Variants in MAGI2 observed in about 807,000 individuals in gnomAD.
MAGI2 encodes the protein membrane associated guanylate kinase, WW and PDZ domain containing 2.
MAGI2 carries 35 observed loss-of-function variants against 133.3 expected under a neutral mutation model. The ratio of observed to expected loss-of-function variants is 0.26; its 90% confidence interval spans 0.20 to 0.35. The LOEUF (loss-of-function observed/expected upper bound fraction) is 0.35, where lower values mean the gene tolerates loss of function less well. Among genes scored for constraint, MAGI2 ranks in the 10% least tolerant of loss-of-function variants. MAGI2 has a pLI of 1.00. For missense variants in MAGI2, 1,636 were observed against 1,863.4 expected, an observed-to-expected ratio of 0.88 and a Z score of 2.25; for synonymous variants, 729 against 710.6, an observed-to-expected ratio of 1.03 and a Z score of -0.41.
chr7:79,258,696 C>T (rs945699503), intron 1 of MAGI2, among the ~76,000 whole-genome samples: 2 of 152,156 alleles, frequency 1.3e-5, no homozygotes, highest in African/African-American at 2.4e-5. Context: ...ACAGTACTAT[C>T]GTGGCATACT....
chr7:78,246,332 C>G (rs191354788), intron 10 of MAGI2, among the ~76,000 whole-genome samples: 26 of 152,212 alleles, frequency 1.7e-4, no homozygotes, highest in Admixed American at 7.2e-4. Flanking sequence ...CCACTGAGAG[C>G]AGTCACACCT....
chr7:79,429,731 A>G (rs913011393), intron 1 of MAGI2, among the ~76,000 whole-genome samples: 7 of 152,152 alleles, frequency 4.6e-5, no homozygotes, highest in African/African-American at 7.2e-5. Context: ...TAATTGGAAA[A>G]AGTCTTTTGC....
chr7:78,186,587 C>T (rs1049016493), intron 12 of MAGI2, among the ~76,000 whole-genome samples: 3 of 152,266 alleles, frequency 2.0e-5, no homozygotes, highest in African/African-American at 2.4e-5. Context: ...AATCCCTGGT[C>T]TTACTATCAT....
chr7:79,183,117 A>C (rs1444327152), intron 1 of MAGI2, among the ~76,000 whole-genome samples: 1 of 151,888 alleles, frequency 6.6e-6, no homozygotes, highest in Non-Finnish European at 1.5e-5. Flanking sequence ...AGAAGAAATA[A>C]GTTCTAATGT....
intron 1 of MAGI2, among the ~76,000 whole-genome samples, chr7:79,259,710 T>G (rs751290312): frequency 3.3e-5 from 5 of 152,224 alleles, no homozygotes; most frequent in Non-Finnish European, 5.9e-5. Context: ...ATTACCAAAT[T>G]GTTACTTGAT....
At chr7:78,329,917 GA>G (rs1788994972) in intron 9 of MAGI2, among the ~76,000 whole-genome samples, 1 of 152,150 alleles carries the variant, frequency 6.6e-6, no homozygotes, top group Non-Finnish European at 1.5e-5. Flanking sequence ...CCACAATTCT[GA>G]AAATTTCCTG....
intron 6 of MAGI2, among the ~76,000 whole-genome samples, chr7:78,460,777 T>G (rs1476899821): frequency 2.6e-5 from 4 of 152,202 alleles, no homozygotes; most frequent in Admixed American, 6.5e-5. Context: ...ACCTGCATAC[T>G]TTTTACAAAT....
At chr7:79,027,446 C>G (rs1345534007) in intron 1 of MAGI2, among the ~76,000 whole-genome samples, 1 of 151,976 alleles carries the variant, frequency 6.6e-6, no homozygotes, top group Non-Finnish European at 1.5e-5. Flanking sequence ...GTGGAATAAG[C>G]TAGGCACAGA....
chr7:78,283,354 GT>G (rs1795820137), intron 9 of MAGI2, among the ~76,000 whole-genome samples: 1 of 152,110 alleles, frequency 6.6e-6, no homozygotes, highest in Non-Finnish European at 1.5e-5. Context: ...ATAACAAGCT[GT>G]CCTTGAAAAG....
chr7:79,012,022 G>A (rs1406212871), intron 1 of MAGI2: 1 of 150,830 alleles, frequency 6.6e-6, no homozygotes, highest in Non-Finnish European at 1.5e-5. Flanking sequence ...TTCAGTACAT[G>A]TAGTGGGTCT....
At chr7:78,848,219 G>A (rs1356948962) in intron 2 of MAGI2, among the ~76,000 whole-genome samples, 4 of 151,786 alleles carry the variant, frequency 2.6e-5, no homozygotes, top group East Asian at 2.0e-4. Context: ...CCTCTAGCAC[G>A]CTCCATCTTC....
At chr7:78,523,735 A>G (rs1796709826) in intron 3 of MAGI2, among the ~76,000 whole-genome samples, 1 of 152,136 alleles carries the variant, frequency 6.6e-6, no homozygotes, top group African/African-American at 2.4e-5. Context: ...TCACCAGAAC[A>G]GGATGGGGGA....
chr7:79,226,085 C>G (rs951420442), intron 1 of MAGI2, among the ~76,000 whole-genome samples: 1 of 151,912 alleles, frequency 6.6e-6, no homozygotes, highest in African/African-American at 2.4e-5. Flanking sequence ...GTTTTTCAAT[C>G]AAAGGAAAAA....
intron 1 of MAGI2, among the ~76,000 whole-genome samples, chr7:79,028,219 A>ATATATATATGTATG: frequency 7.8e-5 from 5 of 64,470 alleles, no homozygotes; most frequent in African/African-American, 2.9e-4. Context: ...TCAAAAAAAT[A>ATATATATATGTATG]TATATATATA....
At chr7:78,387,124 T>C (rs1188321311) in intron 6 of MAGI2, among the ~76,000 whole-genome samples, 2 of 152,180 alleles carry the variant, frequency 1.3e-5, no homozygotes, top group Non-Finnish European at 2.9e-5. Context: ...CTTCCTTGGG[T>C]GTGGCTTTTC....
At chr7:78,668,511 G>A (rs1277714864) in intron 2 of MAGI2, among the ~76,000 whole-genome samples, 5 of 151,084 alleles carry the variant, frequency 3.3e-5, no homozygotes, top group Admixed American at 6.6e-5. Flanking sequence ...TTCTTCTAGG[G>A]TTTTTATGGT....
chr7:78,781,667 T>C (rs982090725), intron 2 of MAGI2, among the ~76,000 whole-genome samples: 4 of 152,164 alleles, frequency 2.6e-5, no homozygotes, highest in African/African-American at 9.7e-5. Flanking sequence ...AATATATTTC[T>C]ATGGGAAAGA....
At chr7:78,265,045 T>C (rs1401810215) in intron 9 of MAGI2, among the ~76,000 whole-genome samples, 3 of 152,130 alleles carry the variant, frequency 2.0e-5, no homozygotes, top group African/African-American at 7.2e-5. Flanking sequence ...TAATTTCATC[T>C]GTGTGACCCA....
chr7:78,840,832 C>A (rs527326146), intron 2 of MAGI2, among the ~76,000 whole-genome samples: 6 of 83,444 alleles, frequency 7.2e-5, no homozygotes, highest in Middle Eastern at 0.014. Flanking sequence ...CTTTCTGAAT[C>A]TCCTTTGTTT....
Sources: gnomAD v4.1 joint callset for allele counts (sites outside exome capture counted in the v4.1 genomes callset) on GRCh38, gnomAD v4.1.1 for gene constraint, MANE v1.5 for transcripts, NCBI Gene and HGNC (gene_info 2026-07-23, HGNC 2026-07-21) for gene names.